The following TENM1 variants were observed in gnomAD, a reference collection of about 807,000 sequenced individuals.
TENM1 encodes teneurin transmembrane protein 1.
TENM1 carries 35 observed loss-of-function variants against 174.8 expected under a neutral mutation model. That is an observed-to-expected ratio of 0.20 (90% CI 0.15 to 0.27). The LOEUF (loss-of-function observed/expected upper bound fraction) is 0.27. TENM1 is among the 10% of genes least tolerant of loss of function. TENM1 has a pLI of 1.00. For synonymous variants in TENM1, 781 were observed against 798.7 expected (o/e 0.98, Z 0.37); for missense variants, 1,633 against 2,130.1 (o/e 0.77, Z 4.59).
chrX:124,488,646 A>C (rs1384236295), intron 20 of TENM1, among the ~76,000 whole-genome samples: 3 of 112,123 alleles, frequency 2.7e-5, no homozygotes, highest in African/African-American at 9.7e-5. Context: ...ACCTCTTTCA[A>C]TTTCCTTGTC....
In TENM1 at chrX:124,639,545, A is replaced by G. The variant is rs979617025; in HGVS notation, c.2077+2246T>C. Among the ~76,000 whole-genome samples the G allele has an allele frequency of 3.6e-5, 4 of 111,638 alleles. 1 individual carries two copies. Among genetic ancestry groups the G allele is most frequent in the African/African-American group, 6.5e-5 (2 of 30,697 alleles). On this transcript the variant is annotated intron_variant, in intron 11 of 31. Coordinates refer to ENST00000422452, the Ensembl canonical transcript of TENM1. Reference sequence around the variant, plus strand: ...AATAAATTTTAGAGGACAGTGCAGTATAGTGGTGAAATGTATGAACTGTGA... The same window carrying G: ...AATAAATTTTAGAGGACAGTGCAGTGTAGTGGTGAAATGTATGAACTGTGA...
At chrX:125,103,721 C>T in the TENM1 span, among the ~76,000 whole-genome samples, 1 of 112,636 alleles carries the variant, frequency 8.9e-6, no homozygotes, top group African/African-American at 3.2e-5. Context: ...CGCCATGGCT[C>T]ACGCCGGTAA....
At chrX:124,629,525 C>T (rs1377897178) in intron 11 of TENM1, among the ~76,000 whole-genome samples, 6 of 112,574 alleles carry the variant, frequency 5.3e-5, no homozygotes, top group East Asian at 2.8e-4. Flanking sequence ...TAGCTACAAT[C>T]TATCATTATA....
At chrX:124,934,215 A>T (rs2058213555) in intron 1 of TENM1, among the ~76,000 whole-genome samples, 1 of 112,204 alleles carries the variant, frequency 8.9e-6, no homozygotes, top group Non-Finnish European at 1.9e-5. Flanking sequence ...TTAACCAGTC[A>T]CCACAGATGG....
the TENM1 span, among the ~76,000 whole-genome samples, chrX:125,123,766 C>G: frequency 8.9e-6 from 1 of 112,368 alleles, no homozygotes; most frequent in Non-Finnish European, 1.9e-5. Flanking sequence ...ATCACTCATG[C>G]ATTTAATTTA....
At chrX:124,521,907 T>C (rs2047857773) in intron 17 of TENM1, among the ~76,000 whole-genome samples, 1 of 111,888 alleles carries the variant, frequency 8.9e-6, no homozygotes, top group Non-Finnish European at 1.9e-5. Flanking sequence ...TTCCTCTACC[T>C]TAGCCATTTG....
chrX:124,743,448 C>T (rs985158736), intron 3 of TENM1, among the ~76,000 whole-genome samples: 1 of 111,655 alleles, frequency 9.0e-6, no homozygotes, highest in Non-Finnish European at 1.9e-5. Flanking sequence ...CAGACAACAA[C>T]AGAAAGAGTC....
chrX:124,442,374 C>T (rs1307314790), intron 23 of TENM1, among the ~76,000 whole-genome samples: 2 of 112,304 alleles, frequency 1.8e-5, no homozygotes, highest in Non-Finnish European at 1.9e-5. Flanking sequence ...TACAGAGCTT[C>T]ACAAAACTCA....
intron 11 of TENM1, among the ~76,000 whole-genome samples, chrX:124,640,041 T>C (rs974739632): frequency 8.1e-5 from 9 of 110,514 alleles, no homozygotes; most frequent in Non-Finnish European, 1.5e-4. Flanking sequence ...GCCAAGCACT[T>C]AGCAGGCACA....
At chrX:125,077,764 T>C in the TENM1 span, among the ~76,000 whole-genome samples, 1 of 111,429 alleles carries the variant, frequency 9.0e-6, no homozygotes, top group Non-Finnish European at 1.9e-5. Flanking sequence ...GGCTTAATAA[T>C]CTGCCAATTC....
At chrX:124,446,695 A>G (rs966158389) in intron 23 of TENM1, among the ~76,000 whole-genome samples, 1 of 112,602 alleles carries the variant, frequency 8.9e-6, no homozygotes, top group Non-Finnish European at 1.9e-5. Flanking sequence ...AAAGGTAACA[A>G]GAAACTTTAG....
chrX:124,651,710 T>G (rs2051314421), intron 8 of TENM1, among the ~76,000 whole-genome samples: 1 of 111,236 alleles, frequency 9.0e-6, no homozygotes, highest in South Asian at 3.8e-4. Flanking sequence ...ACAAATAAAG[T>G]AGCATTAAAA....
At chrX:124,919,045 T>C (rs1038970651) in intron 1 of TENM1, among the ~76,000 whole-genome samples, 7 of 112,116 alleles carry the variant, frequency 6.2e-5, no homozygotes, top group African/African-American at 2.3e-4. Context: ...TCTTGAAAGT[T>C]GTAACAGTTT....
the TENM1 span, among the ~76,000 whole-genome samples, chrX:125,114,469 G>C: frequency 2.7e-5 from 3 of 111,311 alleles, no homozygotes; most frequent in South Asian, 7.5e-4. Context: ...TTTTTGAAAA[G>C]ATTAACAAAA....
chrX:124,526,883 A>G (rs751357365), intron 16 of TENM1, among the ~76,000 whole-genome samples: 2 of 112,359 alleles, frequency 1.8e-5, no homozygotes, highest in South Asian at 7.4e-4. Flanking sequence ...AATACTTCTC[A>G]AGAAACTTCT....
intron 6 of TENM1, among the ~76,000 whole-genome samples, chrX:124,664,462 T>C (rs1376644994): frequency 9.6e-6 from 1 of 104,688 alleles, no homozygotes; most frequent in Non-Finnish European, 1.9e-5. Flanking sequence ...AAATTTAACC[T>C]GTTATTTCAG....
intron 23 of TENM1, among the ~76,000 whole-genome samples, chrX:124,448,226 G>C (rs2060986917): frequency 8.9e-6 from 1 of 112,139 alleles, no homozygotes; most frequent in African/African-American, 3.2e-5. Flanking sequence ...GCATAAAGCT[G>C]AGCAGTGTCA....
the TENM1 span, among the ~76,000 whole-genome samples, chrX:125,014,681 T>C: frequency 2.7e-5 from 3 of 111,665 alleles, no homozygotes; most frequent in Non-Finnish European, 5.7e-5. Context: ...TTGATTTGTT[T>C]TGGTATCTCA....
intron 19 of TENM1, 119 bp downstream of exon 22, chrX:124,503,441 T>A (rs1170516304): frequency 2.1e-5 from 13 of 623,958 alleles, no homozygotes; most frequent in Middle Eastern, 3.7e-4. Context: ...AATGCGGTCA[T>A]CTCTAAGTAG....
Sources: gnomAD v4.1 joint callset for allele counts (sites outside exome capture counted in the v4.1 genomes callset) on GRCh38, gnomAD v4.1.1 for gene constraint, MANE v1.5 for transcripts, NCBI Gene and HGNC (gene_info 2026-07-23, HGNC 2026-07-21) for gene names.